PLXNA4: variants seen among roughly 807,000 people sequenced by gnomAD.
PLXNA4 encodes the protein plexin A4.
In PLXNA4, 44 loss-of-function variants were observed where a neutral mutation model predicts 191.8. The observed-to-expected ratio is 0.23, with a 90% confidence interval of 0.18 to 0.29. PLXNA4 has a LOEUF of 0.29. Among genes scored for constraint, PLXNA4 ranks in the 10% least tolerant of loss-of-function variants. PLXNA4 has a pLI of 1.00. For missense variants in PLXNA4, 1,800 were observed against 2,488.8 expected, an observed-to-expected ratio of 0.72 and a Z score of 5.89; for synonymous variants, 1,082 against 1,009.5, an observed-to-expected ratio of 1.07 and a Z score of -1.36.
chr7:132,488,905 T>G (rs1050219112), intron 3 of PLXNA4, among the ~76,000 whole-genome samples: 2 of 152,250 alleles, frequency 1.3e-5, no homozygotes, highest in Admixed American at 1.3e-4. Flanking sequence ...CCAGAAGGGC[T>G]GGAGCAAGGG....
chr7:132,174,230 G>C (rs927436502), intron 21 of PLXNA4, among the ~76,000 whole-genome samples: 1 of 152,190 alleles, frequency 6.6e-6, no homozygotes, highest in African/African-American at 2.4e-5. Flanking sequence ...ACCTAAGCCA[G>C]ATACCATGCT....
chr7:132,265,099 C>A (rs763823262), intron 4 of PLXNA4, among the ~76,000 whole-genome samples: 6 of 152,130 alleles, frequency 3.9e-5, no homozygotes, highest in Non-Finnish European at 8.8e-5. Context: ...CCACAGGAAG[C>A]AATTAGGAAT....
At position 132,227,590 on chromosome 7, in the gene PLXNA4, C is replaced by T. The variant is rs369889571; in HGVS notation, c.1743G>A (p.Thr581=). The change falls in exon 7 of 32, where the codon ACG becomes ACA. Residue 581 remains threonine, a synonymous_variant. Transcript: ENST00000321063. ...SQYNVLLVLE[T]YNVPELSAGV... ...CAGCTGACAGCTCCGGGACATTGTACGTCTCCAGGACCAGCTGTGAACAGC... is the reference window on the plus strand; with the variant it reads ...CAGCTGACAGCTCCGGGACATTGTATGTCTCCAGGACCAGCTGTGAACAGC... The T allele has an allele frequency of 1.2e-5, 19 of 1,613,874 alleles. No individual in the cohort carries two copies. Among genetic ancestry groups the T allele is most frequent in the Admixed American group, 3.3e-5 (2 of 59,990 alleles).
chr7:132,575,319 C>T (rs1436897866), intron 1 of PLXNA4, among the ~76,000 whole-genome samples: 2 of 152,138 alleles, frequency 1.3e-5, no homozygotes, highest in Admixed American at 6.5e-5. Flanking sequence ...CCTTAAAGCA[C>T]GGGCGTCTGG....
chr7:132,361,532 C>T (rs1335407263), intron 3 of PLXNA4, among the ~76,000 whole-genome samples: 1 of 152,168 alleles, frequency 6.6e-6, no homozygotes, highest in African/African-American at 2.4e-5. Context: ...AATAAGATTT[C>T]TCCCCAATCC....
In PLXNA4 at chr7:132,429,762, T is replaced by C. The variant is rs541443886; in HGVS notation, c.1371+59530A>G. The stretch of plus-strand genomic sequence containing the variant: ...TTATTCCACACCCAGAGTTTAACCA[T>C]TCCTTGACTCCATAAACCCAGCATG... On this transcript the variant is annotated intron_variant, in intron 3 of 31. Transcript: ENST00000321063. Among the ~76,000 whole-genome samples the C allele has an allele frequency of 2.6e-4, 39 of 152,330 alleles. 1 individual carries two copies. Among genetic ancestry groups the C allele is most frequent in the Middle Eastern group, 6.8e-3 (2 of 294 alleles).
chr7:132,172,037 G>A lies in PLXNA4; in HGVS notation c.4017+2741C>T, dbSNP rs558913806. Among the ~76,000 whole-genome samples, 13 of 152,200 alleles carry A rather than the reference G, an allele frequency of 8.5e-5. No homozygotes were observed. In the South Asian group the frequency reaches 2.5e-3, roughly 29 times the overall value. ...ATCAGGGTGGTGTTTTGGGGTGTGG[G>A]AGGTAGGAATTTTCTCCCCACTTTA... On this transcript the variant is annotated intron_variant, in intron 21 of 31. Transcript: ENST00000321063.
intron 3 of PLXNA4, among the ~76,000 whole-genome samples, chr7:132,488,815 C>A (rs939738517): frequency 2.0e-5 from 3 of 152,194 alleles, no homozygotes; most frequent in African/African-American, 7.2e-5. Context: ...CACAACTTGG[C>A]TCTGGGCCCC....
intron 3 of PLXNA4, among the ~76,000 whole-genome samples, chr7:132,377,261 A>C (rs1289842637): frequency 6.6e-6 from 1 of 152,120 alleles, no homozygotes; most frequent in African/African-American, 2.4e-5. Context: ...TCCTAGCAAA[A>C]ATTGCTTTAA....
intron 1 of PLXNA4, among the ~76,000 whole-genome samples, chr7:132,551,485 C>A (rs1403051038): frequency 6.6e-6 from 1 of 152,162 alleles, no homozygotes; most frequent in African/African-American, 2.4e-5. Flanking sequence ...CATTCACAAA[C>A]CTTTCATTAC....
intron 4 of PLXNA4, among the ~76,000 whole-genome samples, chr7:132,261,115 A>G (rs1799626050): frequency 6.6e-6 from 1 of 152,222 alleles, no homozygotes; most frequent in African/African-American, 2.4e-5. Context: ...ATACACCTAC[A>G]TTCAAATGTC....
chr7:132,300,425 T>C (rs7778488), intron 3 of PLXNA4, among the ~76,000 whole-genome samples: 6,681 of 152,288 alleles, frequency 0.044, 454 homozygotes, highest in African/African-American at 0.15. Context: ...ACCTGACAAA[T>C]ATTTATTTTA....
intron 9 of PLXNA4, among the ~76,000 whole-genome samples, chr7:132,219,801 T>C (rs898444774): frequency 5.9e-5 from 9 of 152,336 alleles, no homozygotes; most frequent in Non-Finnish European, 1.3e-4. Context: ...TTTACCATGC[T>C]TTTTCTATGT....
intron 3 of PLXNA4, among the ~76,000 whole-genome samples, chr7:132,420,828 CAG>C (rs1319593944): frequency 3.3e-5 from 5 of 152,184 alleles, no homozygotes; most frequent in African/African-American, 1.2e-4. Context: ...GTTTTAAAAA[CAG>C]GAGTTTCCCT....
At chr7:132,475,787 C>T (rs968109338) in intron 3 of PLXNA4, among the ~76,000 whole-genome samples, 2 of 152,198 alleles carry the variant, frequency 1.3e-5, no homozygotes, top group African/African-American at 4.8e-5. Context: ...GACTGATTCC[C>T]CCCACACCCA....
chr7:132,491,260 T>G (rs1250468681), intron 2 of PLXNA4, among the ~76,000 whole-genome samples: 1 of 152,232 alleles, frequency 6.6e-6, no homozygotes, highest in African/African-American at 2.4e-5. Context: ...GTCACTTTTT[T>G]AAAGGCTTCA....
chr7:132,603,931 A>G (rs1041107541), intron 2 of PLXNA4, among the ~76,000 whole-genome samples: 1 of 152,146 alleles, frequency 6.6e-6, no homozygotes, highest in Admixed American at 6.5e-5. Context: ...TGCATCCACT[A>G]TGTATTGATG....
chr7:132,408,315 C>G (rs186001616), intron 3 of PLXNA4, among the ~76,000 whole-genome samples: 1 of 151,910 alleles, frequency 6.6e-6, no homozygotes, highest in East Asian at 1.9e-4. Context: ...CATAAAACAT[C>G]GAAAGGAAAT....
chr7:132,315,906 G>T (rs1028740319), intron 3 of PLXNA4, among the ~76,000 whole-genome samples: 1 of 152,186 alleles, frequency 6.6e-6, no homozygotes, highest in Non-Finnish European at 1.5e-5. Context: ...TTGGGGGCAT[G>T]GTGGGAGGGA....
Sources: gnomAD v4.1 joint callset for allele counts (sites outside exome capture counted in the v4.1 genomes callset) on GRCh38, gnomAD v4.1.1 for gene constraint, MANE v1.5 for transcripts, NCBI Gene and HGNC (gene_info 2026-07-23, HGNC 2026-07-21) for gene names.